NDUFS4: variants seen among roughly 807,000 people sequenced by gnomAD.
The protein encoded by NDUFS4 is NADH:ubiquinone oxidoreductase subunit S4.
A neutral mutation model predicts 24.3 loss-of-function variants in NDUFS4; 28 were observed. The ratio of observed to expected loss-of-function variants is 1.15; its 90% CI spans 0.85 to 1.58. NDUFS4 has a LOEUF of 1.58. Ranked by LOEUF, NDUFS4 falls within the 40% of genes most tolerant of loss-of-function variation. The pLI, the probability that NDUFS4 is intolerant of heterozygous loss-of-function variation, is 0.00. For synonymous variants in NDUFS4, 93 were observed against 69.7 expected (o/e 1.34, Z -1.67); for missense variants, 223 against 207.9 (o/e 1.07, Z -0.45).
intron 2 of NDUFS4, among the ~76,000 whole-genome samples, chr5:53,622,090 A>G (rs1462366130): frequency 6.6e-6 from 1 of 152,128 alleles, no homozygotes; most frequent in East Asian, 1.9e-4. Flanking sequence ...CAAATTTATC[A>G]TTTTTGTTGC....
intron 2 of NDUFS4, among the ~76,000 whole-genome samples, chr5:53,639,513 AAG>A (rs1162018821): frequency 6.6e-6 from 1 of 151,968 alleles, no homozygotes; most frequent in Non-Finnish European, 1.5e-5. Context: ...GTATAACTTT[AAG>A]GTTGCAAGTT....
At chr5:53,578,975 C>T (rs1749471256) in intron 1 of NDUFS4, among the ~76,000 whole-genome samples, 1 of 152,130 alleles carries the variant, frequency 6.6e-6, no homozygotes, top group Admixed American at 6.5e-5. Flanking sequence ...CCGTGCACTC[C>T]CCAACCCACA....
chr5:53,585,338 T>A (rs1749713113), intron 1 of NDUFS4, among the ~76,000 whole-genome samples: 1 of 152,222 alleles, frequency 6.6e-6, no homozygotes, highest in Non-Finnish European at 1.5e-5. Flanking sequence ...ATTGACTCGA[T>A]TTGGATGAAT....
chr5:53,579,006 A>G (rs926682460), intron 1 of NDUFS4, among the ~76,000 whole-genome samples: 1 of 152,152 alleles, frequency 6.6e-6, no homozygotes, highest in Non-Finnish European at 1.5e-5. Context: ...TTTAGCATCT[A>G]CCATTCCACT....
At chr5:53,663,205 A>T (rs1752399098) in intron 4 of NDUFS4, among the ~76,000 whole-genome samples, 1 of 152,054 alleles carries the variant, frequency 6.6e-6, no homozygotes, top group Admixed American at 6.6e-5. Context: ...ATAATTTGTT[A>T]TAATTTCTGT....
chr5:53,564,462 T>C (rs1403439057), intron 1 of NDUFS4, among the ~76,000 whole-genome samples: 2 of 152,230 alleles, frequency 1.3e-5, no homozygotes, highest in Non-Finnish European at 2.9e-5. Flanking sequence ...TTTATTTGTT[T>C]TGTTTCTTTT....
chr5:53,672,967 A>G (rs1740329782), intron 4 of NDUFS4, among the ~76,000 whole-genome samples: 1 of 152,206 alleles, frequency 6.6e-6, no homozygotes, highest in Non-Finnish European at 1.5e-5. Context: ...TGCAAGATTT[A>G]AACTACAGAA....
chr5:53,635,590 G>A (rs1321785003), intron 2 of NDUFS4, among the ~76,000 whole-genome samples: 1 of 152,072 alleles, frequency 6.6e-6, no homozygotes, highest in Non-Finnish European at 1.5e-5. Context: ...CCATTAAGCT[G>A]CCAAAAAGTT....
chr5:53,576,075 G>GTAGA (rs1190968334), intron 1 of NDUFS4, among the ~76,000 whole-genome samples: 30 of 152,350 alleles, frequency 2.0e-4, no homozygotes, highest in Admixed American at 1.5e-3. Context: ...TTGAGAGGGT[G>GTAGA]TAGAGGTCAG....
intron 2 of NDUFS4, among the ~76,000 whole-genome samples, chr5:53,624,154 A>G (rs1751146115): frequency 6.6e-6 from 1 of 152,162 alleles, no homozygotes; most frequent in East Asian, 1.9e-4. Context: ...ACTTCTTTAA[A>G]AAACCAATTG....
At chr5:53,614,597 A>G (rs1750790367) in intron 2 of NDUFS4, among the ~76,000 whole-genome samples, 1 of 152,006 alleles carries the variant, frequency 6.6e-6, no homozygotes, top group Non-Finnish European at 1.5e-5. Flanking sequence ...AGTTCTATGT[A>G]CCAATTAGCA....
chr5:53,675,012 G>GTA (rs1740410491), intron 4 of NDUFS4, among the ~76,000 whole-genome samples: 1 of 151,928 alleles, frequency 6.6e-6, no homozygotes, highest in Admixed American at 6.6e-5. Flanking sequence ...TACTTTTTAA[G>GTA]TACTCTTAAA....
chr5:53,679,702 T>TA (rs1368110508), intron 4 of NDUFS4, among the ~76,000 whole-genome samples: 17 of 152,178 alleles, frequency 1.1e-4, no homozygotes, highest in Non-Finnish European at 2.2e-4. Context: ...TTTGTGTGTA[T>TA]ATTACTATTT....
chr5:53,620,066 G>A (rs1467251999), intron 2 of NDUFS4, among the ~76,000 whole-genome samples: 1 of 151,734 alleles, frequency 6.6e-6, no homozygotes, highest in Non-Finnish European at 1.5e-5. Context: ...AGGATTGCCT[G>A]AGCCCAGGAG....
intron 2 of NDUFS4, among the ~76,000 whole-genome samples, chr5:53,606,849 A>G (rs1232047986): frequency 6.6e-6 from 1 of 152,236 alleles, no homozygotes; most frequent in African/African-American, 2.4e-5. Context: ...ATCAAGTCTT[A>G]TATCAAATGG....
intron 1 of NDUFS4, among the ~76,000 whole-genome samples, chr5:53,582,562 C>T (rs1749606191): frequency 6.6e-6 from 1 of 152,208 alleles, no homozygotes; most frequent in Non-Finnish European, 1.5e-5. Context: ...GTGCAAACTC[C>T]ACACAGATAG....
chr5:53,665,197 T>A (rs1383742580), intron 4 of NDUFS4, among the ~76,000 whole-genome samples: 1 of 152,164 alleles, frequency 6.6e-6, no homozygotes, highest in Non-Finnish European at 1.5e-5. Flanking sequence ...AAGCTTTGTC[T>A]CAGAGGAGTA....
intron 1 of NDUFS4, among the ~76,000 whole-genome samples, chr5:53,590,467 A>G: frequency 6.6e-6 from 1 of 152,340 alleles, no homozygotes; most frequent in East Asian, 1.9e-4. Context: ...TTTGTGTTAC[A>G]TAGGCAAGCA....
At chr5:53,660,955 G>C (rs1159518737) in intron 4 of NDUFS4, among the ~76,000 whole-genome samples, 1 of 152,120 alleles carries the variant, frequency 6.6e-6, no homozygotes, top group Non-Finnish European at 1.5e-5. Context: ...TAGGTTGCCT[G>C]TTCACTCTGA....
Sources: allele counts gnomAD v4.1 joint callset (sites outside exome capture counted in the v4.1 genomes callset), GRCh38; gene constraint gnomAD v4.1.1; transcripts MANE v1.5; gene names NCBI Gene and HGNC (gene_info 2026-07-23, HGNC 2026-07-21).